Variants in BEND6 observed in about 807,000 individuals in gnomAD.
The protein encoded by BEND6 is BEN domain-containing protein 6.
A neutral mutation model predicts 31.8 loss-of-function variants in BEND6; 24 were observed. That is an observed-to-expected ratio of 0.75 (90% confidence interval 0.55 to 1.06). BEND6 has a LOEUF of 1.06. BEND6 is among the 50% of genes least tolerant of loss of function. The pLI is 0.00. For synonymous variants in BEND6, 109 were observed against 114.6 expected (o/e 0.95, Z 0.31); for missense variants, 294 against 327.4 (o/e 0.90, Z 0.79).
chr6:56,972,009 C>T (rs1014019608), intron 1 of BEND6, among the ~76,000 whole-genome samples: 1 of 150,134 alleles, frequency 6.7e-6, no homozygotes, highest in Admixed American at 6.6e-5. Flanking sequence ...CCTTTGGTAT[C>T]ATACCCAAGA....
At chr6:57,008,512 G>T in intron 3 of BEND6, 2 of 335,696 alleles carry the variant, frequency 6.0e-6, no homozygotes, top group South Asian at 1.1e-4. Context: ...TTGTCAGGGA[G>T]AATTGGCCTG....
chr6:56,994,484 A>AAAG (rs1826630045), intron 3 of BEND6, among the ~76,000 whole-genome samples: 2 of 146,780 alleles, frequency 1.4e-5, no homozygotes, highest in Admixed American at 6.8e-5. Context: ...AAAAAAAAAA[A>AAAG]GGCATTAATC....
intron 1 of BEND6, among the ~76,000 whole-genome samples, chr6:56,959,448 G>A (rs1562532249): frequency 6.6e-6 from 1 of 152,178 alleles, no homozygotes; most frequent in Non-Finnish European, 1.5e-5. Context: ...AAAACAAGAA[G>A]CTTAGGTAAG....
chr6:57,012,034 A>G (rs1329094299), intron 3 of BEND6, among the ~76,000 whole-genome samples: 1 of 152,220 alleles, frequency 6.6e-6, no homozygotes, highest in Non-Finnish European at 1.5e-5. Context: ...CTGAGGCCAA[A>G]GGATCGCTTG....
At chr6:57,002,033 A>C (rs1313641387) in intron 3 of BEND6, among the ~76,000 whole-genome samples, 1 of 152,232 alleles carries the variant, frequency 6.6e-6, no homozygotes, top group Non-Finnish European at 1.5e-5. Context: ...TCACAAATCA[A>C]AAATAAAGAA....
At position 57,014,439 on chromosome 6, in the gene BEND6, A is replaced by G. The variant is rs1415778151; in HGVS notation, c.299-694A>G. 2.8e-6 allele frequency: 4 copies of G among 1,416,392 alleles called. No homozygotes were observed. The East Asian group carries it at 8.2e-5, about 29-fold the overall frequency. The allele number at this position is 1,416,392 out of a possible 1,614,324, so 87.7% of individuals were successfully genotyped here. On this transcript the variant is annotated intron_variant, in intron 3 of 6. Transcript: ENST00000370746. ...AAGGTTCAAGATCTCTTCCAACTCC[A>G]ACAACATGTTATTTGTCCTTAGGAA... is the stretch of plus-strand genomic sequence containing the variant.
intron 2 of BEND6, among the ~76,000 whole-genome samples, chr6:56,986,973 CT>C (rs869195941): frequency 0.14 from 17,222 of 123,772 alleles, 679 homozygotes; most frequent in Middle Eastern, 0.16. Context: ...TGTTTCTTTT[CT>C]TTTTTTTTTT....
At chr6:57,015,566 T>C (rs895491383) in intron 4 of BEND6, among the ~76,000 whole-genome samples, 4 of 151,336 alleles carry the variant, frequency 2.6e-5, no homozygotes, top group Non-Finnish European at 4.4e-5. Context: ...TTTGGGAGGC[T>C]GAGGCGGGCA....
At chr6:56,957,833 G>C (rs574144663) in intron 1 of BEND6, among the ~76,000 whole-genome samples, 1 of 152,148 alleles carries the variant, frequency 6.6e-6, no homozygotes, top group Non-Finnish European at 1.5e-5. Context: ...TGTAGAAGAT[G>C]GTCCATTATA....
intron 2 of BEND6, among the ~76,000 whole-genome samples, chr6:56,986,349 G>A (rs1826272671): frequency 6.6e-6 from 1 of 152,038 alleles, no homozygotes; most frequent in African/African-American, 2.4e-5. Flanking sequence ...AAGGCGGGAG[G>A]ACTGCTTGAG....
chr6:56,963,786 AT>A (rs1437997155), intron 1 of BEND6, among the ~76,000 whole-genome samples: 1 of 148,742 alleles, frequency 6.7e-6, no homozygotes, highest in African/African-American at 2.4e-5. Flanking sequence ...ATAATAAAAT[AT>A]TACTATTAAT....
chr6:57,014,901 G>A (rs1418320016), intron 3 of BEND6, among the ~76,000 whole-genome samples: 1 of 152,082 alleles, frequency 6.6e-6, no homozygotes, highest in Non-Finnish European at 1.5e-5. Flanking sequence ...ACATTTAACT[G>A]CAATGACCAA....
intron 3 of BEND6, among the ~76,000 whole-genome samples, chr6:57,012,610 C>G (rs1432874099): frequency 6.6e-6 from 1 of 151,968 alleles, no homozygotes; most frequent in Non-Finnish European, 1.5e-5. Flanking sequence ...CTCATATTTT[C>G]CAAGAAGATT....
Position 57,008,147 on chromosome 6 carries a change from C to T in BEND6, c.299-6986C>T, listed in dbSNP as rs768539548. The T allele has an allele frequency of 3.4e-5, 24 of 702,666 alleles. No individual in the cohort carries two copies. In the Middle Eastern group the frequency reaches 6.9e-4, roughly 20 times the overall value. The allele number at this position is 702,666 out of a possible 1,614,324, so 43.5% of individuals were successfully genotyped here. A position where few individuals can be genotyped will look rare whatever the true frequency, so the allele number is the denominator to read the frequency against. On this transcript the variant is annotated intron_variant, in intron 3 of 6. Transcript: ENST00000370746. ...CTTCAAGGCCTGTCTACTGTGGTAC[C>T]GGAGTGATTATTTCTATCTTATCTC... is the stretch of plus-strand genomic sequence containing the variant.
At chr6:56,977,011 C>G (rs1214565390) in intron 1 of BEND6, among the ~76,000 whole-genome samples, 1 of 152,196 alleles carries the variant, frequency 6.6e-6, no homozygotes. Context: ...TGGACTATCT[C>G]ATTTTTCATC....
At chr6:56,968,095 C>CTAAAT (rs1825549843) in intron 1 of BEND6, among the ~76,000 whole-genome samples, 1 of 152,100 alleles carries the variant, frequency 6.6e-6, no homozygotes, top group Non-Finnish European at 1.5e-5. Flanking sequence ...GTATAGGGAA[C>CTAAAT]TAAATTAATT....
chr6:56,963,031 C>T (rs944682550), intron 1 of BEND6, among the ~76,000 whole-genome samples: 1 of 152,168 alleles, frequency 6.6e-6, no homozygotes, highest in Non-Finnish European at 1.5e-5. Flanking sequence ...ATGGGAATTC[C>T]AGGGCTTAGA....
intron 3 of BEND6, chr6:57,004,774 G>A (rs2127878727): frequency 9.9e-7 from 1 of 1,012,454 alleles, no homozygotes; most frequent in East Asian, 2.4e-5. Flanking sequence ...GAATGAGCAG[G>A]TGAAATCCAT....
chr6:56,959,992 G>A (rs780381885), intron 1 of BEND6, among the ~76,000 whole-genome samples: 1 of 152,172 alleles, frequency 6.6e-6, no homozygotes, highest in Non-Finnish European at 1.5e-5. Context: ...AGTCAGCTGA[G>A]TTTGGGAGCT....
Sources: allele counts gnomAD v4.1 joint callset (sites outside exome capture counted in the v4.1 genomes callset), GRCh38; gene constraint gnomAD v4.1.1; transcripts MANE v1.5; gene names NCBI Gene and HGNC (gene_info 2026-07-23, HGNC 2026-07-21).